The following ADGRG5 variants were observed in gnomAD, a reference collection of about 807,000 sequenced individuals.
The protein encoded by ADGRG5 is G protein-coupled receptor 114.
Under a neutral mutation model 53.2 loss-of-function variants are expected in ADGRG5, and 37 were observed. The observed-to-expected ratio is 0.70, with a 90% confidence interval of 0.53 to 0.91. The LOEUF is 0.91. Ranked by LOEUF, ADGRG5 falls within the 40% of genes least tolerant of loss-of-function variation. The probability of loss-of-function intolerance (pLI) is 0.00; values close to 1 mark genes in which losing one functional copy is unlikely to be tolerated. For missense variants in ADGRG5, 614 were observed against 675.8 expected, an observed-to-expected ratio of 0.91 and a Z score of 1.01; for synonymous variants, 277 against 290.4, an observed-to-expected ratio of 0.95 and a Z score of 0.47.
intron 10 of ADGRG5, among the ~76,000 whole-genome samples, chr16:57,573,210 T>A (rs1428106278): frequency 6.6e-6 from 1 of 152,092 alleles, no homozygotes; most frequent in Non-Finnish European, 1.5e-5. Context: ...GGCAGGTGGA[T>A]CAACTGAGGT....
chr16:57,556,090 A>G (rs762857198), intron 1 of ADGRG5, among the ~76,000 whole-genome samples: 1 of 152,154 alleles, frequency 6.6e-6, no homozygotes, highest in Non-Finnish European at 1.5e-5. Flanking sequence ...TTTTCTTTAT[A>G]AATTACTCAG....
chr16:57,529,615 T>C, the ADGRG5 span, among the ~76,000 whole-genome samples: 35 of 152,314 alleles, frequency 2.3e-4, no homozygotes, highest in African/African-American at 8.2e-4. This position sits in a 1 kb window ranked among gnomAD's most constrained non-coding sequence, Gnocchi z 4.1. Context: ...TATACTACTA[T>C]GCAACTTCCG....
chr16:57,567,710 G>A (rs2033175071), intron 8 of ADGRG5, 119 bp downstream of exon 8: 1 of 1,438,038 alleles, frequency 7.0e-7, no homozygotes, highest in Non-Finnish European at 9.5e-7. Context: ...CCAGGAGGCG[G>A]GAGACCAGCC....
At chr16:57,572,666 T>C (rs1596801830) in intron 10 of ADGRG5, among the ~76,000 whole-genome samples, 1 of 152,376 alleles carries the variant, frequency 6.6e-6, no homozygotes, top group East Asian at 1.9e-4. Flanking sequence ...CACTCCAGCC[T>C]GGAGACAGAG....
At chr16:57,570,599 G>C in intron 10 of ADGRG5, 64 bp downstream of exon 10, 5 of 1,160,704 alleles carry the variant, frequency 4.3e-6, no homozygotes, top group Non-Finnish European at 5.2e-6. Context: ...TGGGCCTGGG[G>C]CTCCAAATGG....
the ADGRG5 span, among the ~76,000 whole-genome samples, chr16:57,530,644 T>C: frequency 2.6e-5 from 4 of 152,050 alleles, no homozygotes; most frequent in Non-Finnish European, 4.4e-5. Flanking sequence ...GGCCCCCTCC[T>C]CTCTGCCCCT....
At chr16:57,552,334 T>G (rs1333944691) in intron 1 of ADGRG5, among the ~76,000 whole-genome samples, 1 of 152,174 alleles carries the variant, frequency 6.6e-6, no homozygotes, top group Non-Finnish European at 1.5e-5. Context: ...GCTTCCAATA[T>G]GAGGCTCTTT....
chr16:57,541,555 G>T (rs2032490507), upstream of ADGRG5, among the ~76,000 whole-genome samples: 2 of 152,224 alleles, frequency 1.3e-5, no homozygotes, highest in East Asian at 1.9e-4. Context: ...CTTCAGCAGA[G>T]GCCACTTGTA....
the ADGRG5 span, among the ~76,000 whole-genome samples, chr16:57,529,685 G>A: frequency 6.6e-6 from 1 of 152,262 alleles, no homozygotes; most frequent in African/African-American, 2.4e-5. This position sits in a 1 kb window ranked among gnomAD's most constrained non-coding sequence, Gnocchi z 4.1. Flanking sequence ...GCCTTTTCCT[G>A]CACTGGGCTA....
At chr16:57,558,710 T>A (rs1184396982) in intron 1 of ADGRG5, among the ~76,000 whole-genome samples, 1 of 152,184 alleles carries the variant, frequency 6.6e-6, no homozygotes, top group Non-Finnish European at 1.5e-5. Context: ...GCCTTATTGG[T>A]TGGGGGATCT....
chr16:57,540,016 G>A (rs1187806669), upstream of ADGRG5, among the ~76,000 whole-genome samples: 1 of 152,042 alleles, frequency 6.6e-6, no homozygotes, highest in Non-Finnish European at 1.5e-5. Flanking sequence ...AAAGGTGAGC[G>A]GATCACTTGA....
intron 11 of ADGRG5, 82 bp from the exon 12 acceptor site, chr16:57,575,356 G>A (rs2146849674): frequency 7.5e-7 from 1 of 1,337,192 alleles, no homozygotes; most frequent in African/African-American, 1.4e-5. Context: ...GCCCCAGGGA[G>A]GCCAGCTCGC....
Position 57,575,001 on chromosome 16 carries a change from G to T in ADGRG5, c.1395G>T (p.Leu465=), listed in dbSNP as rs753057839. 13 of 1,613,996 alleles carry T rather than the reference G, an allele frequency of 8.1e-6. No homozygotes were observed. Among genetic ancestry groups the T allele is most frequent in the Non-Finnish European group, 1.0e-5 (12 of 1,180,002 alleles). ...DTVTVLGLTV[L]LGTTWALAFF... is the part of the protein sequence containing the mutation. ...TCACTGTGCTGGGCCTCACCGTGCTGCTGGGAACCACCTGGGCCTTGGCCT... is the reference window on the plus strand; with the variant it reads ...TCACTGTGCTGGGCCTCACCGTGCTTCTGGGAACCACCTGGGCCTTGGCCT... The change falls in exon 11 of 12, where the codon CTG becomes CTT. Residue 465 remains leucine, a synonymous_variant. Coordinates refer to ENST00000349457, the MANE Select transcript of ADGRG5 (RefSeq NM_001304376.3).
rs754466984 is a variant in ADGRG5 at position 57,575,438 on chromosome 16, G to T, written c.1487G>T (p.Gly496Val). Reference sequence around the variant, plus strand: ...TGGAACTCCCGCCTTTCTCTTGCAGGTTTCTTCCTTTTCCTGTGGTTCTGC... The same window carrying T: ...TGGAACTCCCGCCTTTCTCTTGCAGTTTTCTTCCTTTTCCTGTGGTTCTGC... ...FLFTILNSLYGFFLFLWFCSQ... is the reference protein window; with the variant it reads ...FLFTILNSLYVFFLFLWFCSQ... The change falls in exon 12 of 12, where the codon GGT (glycine) becomes GTT (valine). Residue 496 changes from glycine to valine, a missense_variant and splice_region_variant. Transcript: ENST00000349457. 4 of 1,614,022 alleles carry T rather than the reference G, an allele frequency of 2.5e-6. No homozygotes were observed. Among genetic ancestry groups the T allele is most frequent in the Non-Finnish European group, 2.5e-6 (3 of 1,179,870 alleles).
intron 1 of ADGRG5, among the ~76,000 whole-genome samples, chr16:57,547,428 C>CTTTGTT (rs1206566466): frequency 6.6e-6 from 1 of 152,088 alleles, no homozygotes; most frequent in African/African-American, 2.4e-5. Context: ...TTTTACATGG[C>CTTTGTT]TTTGTTTTTT....
At chr16:57,530,520 C>T in the ADGRG5 span, among the ~76,000 whole-genome samples, 1 of 152,222 alleles carries the variant, frequency 6.6e-6, no homozygotes, top group African/African-American at 2.4e-5. Context: ...CCAAGGCTGC[C>T]TGGCAGCCCT....
At chr16:57,546,558 A>G (rs1053993879) in intron 1 of ADGRG5, among the ~76,000 whole-genome samples, 17 of 152,202 alleles carry the variant, frequency 1.1e-4, no homozygotes, top group Admixed American at 2.0e-4. Flanking sequence ...CTAATTTGTC[A>G]CTTGTCTTTT....
chr16:57,536,127 A>G, the ADGRG5 span, among the ~76,000 whole-genome samples: 148 of 149,128 alleles, frequency 9.9e-4, 1 homozygote, highest in African/African-American at 3.5e-3. Context: ...CTGATTGGCC[A>G]GCGCCGCCCG....
chr16:57,560,212 G>A (rs141655578), intron 1 of ADGRG5, among the ~76,000 whole-genome samples: 2 of 152,258 alleles, frequency 1.3e-5, no homozygotes, highest in East Asian at 3.9e-4. Context: ...ATTTTCTGGG[G>A]AGTAGCTTTA....
Sources: gnomAD v4.1 joint callset for allele counts (sites outside exome capture counted in the v4.1 genomes callset) on GRCh38, gnomAD v4.1.1 for gene constraint, Gnocchi (gnomAD v3.1) non-coding constraint, MANE v1.5 for transcripts, NCBI Gene and HGNC (gene_info 2026-07-23, HGNC 2026-07-21) for gene names.